The following ZNF536 variants were observed in gnomAD, a reference collection of about 807,000 sequenced individuals.
ZNF536 encodes the protein zinc finger protein 536.
Under a neutral mutation model 84.5 loss-of-function variants are expected in ZNF536, and 13 were observed. That is an observed-to-expected ratio of 0.15 (90% CI 0.10 to 0.24). The LOEUF (loss-of-function observed/expected upper bound fraction) is 0.24, where lower values mean the gene tolerates loss of function less well. Ranked by LOEUF, ZNF536 falls within the 10% of genes least tolerant of loss-of-function variation. ZNF536 has a pLI of 1.00. For missense variants in ZNF536, 1,536 were observed against 1,747.5 expected, an observed-to-expected ratio of 0.88 and a Z score of 2.16; for synonymous variants, 811 against 742.5, an observed-to-expected ratio of 1.09 and a Z score of -1.50.
At chr19:30,626,461 T>C (rs1172329673) in intron 1 of ZNF536, among the ~76,000 whole-genome samples, 1 of 152,162 alleles carries the variant, frequency 6.6e-6, no homozygotes, top group East Asian at 1.9e-4. Context: ...ATACAAGCTG[T>C]TCGTTTGTGA....
chr19:30,439,877 G>T (rs1310022768), intron 1 of ZNF536, among the ~76,000 whole-genome samples: 3 of 152,014 alleles, frequency 2.0e-5, no homozygotes, highest in Non-Finnish European at 4.4e-5. Context: ...GATAACCATG[G>T]ACACCTAGAC....
intron 2 of ZNF536, among the ~76,000 whole-genome samples, chr19:30,453,371 G>C (rs2052697883): frequency 6.6e-6 from 1 of 152,180 alleles, no homozygotes; most frequent in Non-Finnish European, 1.5e-5. Context: ...CTCGAGCCAG[G>C]TCTGGTTTAG....
At chr19:30,617,583 C>T (rs1431374363) in intron 1 of ZNF536, among the ~76,000 whole-genome samples, 1 of 151,682 alleles carries the variant, frequency 6.6e-6, no homozygotes, top group Admixed American at 6.6e-5. Context: ...ATCTCCTGAC[C>T]TCGTGATCTG....
At chr19:30,417,572 A>C (rs1395150426) in intron 1 of ZNF536, among the ~76,000 whole-genome samples, 1 of 152,192 alleles carries the variant, frequency 6.6e-6, no homozygotes, top group Non-Finnish European at 1.5e-5. Flanking sequence ...TTAGAAAAAA[A>C]AGGATAAAGT....
rs1279243891 is a variant in ZNF536, at chr19:30,382,494, AC to A, written c.-3+9939del. Among the ~76,000 whole-genome samples the A allele has an allele frequency of 3.3e-5, 5 of 152,190 alleles. No homozygotes were observed. The East Asian group carries it at 9.6e-4, about 29-fold the overall frequency. Reference sequence around the variant, plus strand: ...AAAGCACTGTAAAGAAAATATCTGCACTTCTTTATTTAGGGATACAGTTAAT... The same window carrying A: ...AAAGCACTGTAAAGAAAATATCTGCATTCTTTATTTAGGGATACAGTTAAT... On this transcript the variant is annotated intron_variant, in intron 1 of 4. Coordinates refer to ENST00000355537, the MANE Select transcript of ZNF536 (RefSeq NM_014717.3).
At chr19:30,241,481 G>A (rs1450942707) in intron 1 of ZNF536, among the ~76,000 whole-genome samples, 3 of 152,220 alleles carry the variant, frequency 2.0e-5, no homozygotes, top group African/African-American at 7.2e-5. Flanking sequence ...TGAGAAGCTG[G>A]CATCTGCGCC....
At chr19:30,542,732 C>G (rs1245094607) in intron 3 of ZNF536, among the ~76,000 whole-genome samples, 2 of 152,142 alleles carry the variant, frequency 1.3e-5, no homozygotes, top group East Asian at 3.8e-4. Context: ...GCACTGTGAC[C>G]CTTCAGTGTT....
chr19:30,660,852 GATAA>G (rs2050097397), intron 1 of ZNF536, among the ~76,000 whole-genome samples: 1 of 152,190 alleles, frequency 6.6e-6, no homozygotes, highest in Non-Finnish European at 1.5e-5. Flanking sequence ...TCATTTTATA[GATAA>G]ATATATTTAT....
At chr19:30,699,186 T>C (rs950704324) in intron 1 of ZNF536, among the ~76,000 whole-genome samples, 4 of 152,174 alleles carry the variant, frequency 2.6e-5, no homozygotes, top group African/African-American at 7.2e-5. Context: ...ATCCCAGTCC[T>C]AGAATCAGCC....
At chr19:30,627,365 G>A (rs1300376166) in intron 1 of ZNF536, among the ~76,000 whole-genome samples, 2 of 149,714 alleles carry the variant, frequency 1.3e-5, no homozygotes, top group East Asian at 4.0e-4. Context: ...CAGCTAATCG[G>A]GAAGCTGAGG....
chr19:30,642,821 C>A (rs972641079), intron 1 of ZNF536, among the ~76,000 whole-genome samples: 1 of 152,068 alleles, frequency 6.6e-6, no homozygotes, highest in Admixed American at 6.5e-5. Context: ...GATCAAATAT[C>A]GGTAGACTTG....
At chr19:30,407,419 C>A (rs552478245) in intron 1 of ZNF536, among the ~76,000 whole-genome samples, 1 of 152,210 alleles carries the variant, frequency 6.6e-6, no homozygotes, top group African/African-American at 2.4e-5. Context: ...GGGCTCCCCA[C>A]ACACCCAGCA....
intron 2 of ZNF536, among the ~76,000 whole-genome samples, chr19:30,505,259 T>C (rs925001293): frequency 6.8e-6 from 1 of 147,654 alleles, no homozygotes; most frequent in Non-Finnish European, 1.5e-5. Context: ...TAATATATAA[T>C]ACATTACATA....
intron 1 of ZNF536, among the ~76,000 whole-genome samples, chr19:30,414,691 C>T (rs2050638082): frequency 6.6e-6 from 1 of 152,120 alleles, no homozygotes; most frequent in African/African-American, 2.4e-5. Context: ...GATTTTAATT[C>T]CAGACATTGT....
chr19:30,344,440 CAAAAAAAA>C (rs10628847), intron 2 of ZNF536, among the ~76,000 whole-genome samples: 1 of 69,182 alleles, frequency 1.4e-5, no homozygotes, highest in African/African-American at 5.7e-5. Flanking sequence ...AACTCCATCT[CAAAAAAAA>C]AAAAAAAAAA....
At chr19:30,623,036 T>G (rs2147158291) in intron 1 of ZNF536, among the ~76,000 whole-genome samples, 1 of 142,710 alleles carries the variant, frequency 7.0e-6, no homozygotes, top group South Asian at 2.2e-4. Flanking sequence ...TTTTTTGTTT[T>G]TTTGTTTTTT....
chr19:30,548,755 C>A lies in ZNF536; in HGVS notation c.3136C>A (p.Arg1046=). The A allele has an allele frequency of 6.2e-7, 1 of 1,613,870 alleles. No individual in the cohort carries two copies. Among genetic ancestry groups the A allele is most frequent in the Admixed American group, 1.7e-5 (1 of 60,020 alleles). Residue 1046 remains arginine, a synonymous_variant, in exon 4 of 5, where the codon CGG becomes AGG. Transcript: ENST00000355537. ...CACAGTCAACTGCAAAGACCAAGCC[C>A]GGGAGGCGAGTAAGATGGCCCTGCT... is the stretch of plus-strand genomic sequence containing the variant. ...GVTVNCKDQA[R]EASKMALLPS...
intron 1 of ZNF536, among the ~76,000 whole-genome samples, chr19:30,398,471 T>G (rs1406062064): frequency 6.6e-6 from 1 of 151,906 alleles, no homozygotes; most frequent in Non-Finnish European, 1.5e-5. Context: ...ACACACGCCA[T>G]GGTGGTTTGC....
intron 1 of ZNF536, among the ~76,000 whole-genome samples, chr19:30,441,046 T>A (rs2148110416): frequency 6.6e-6 from 1 of 152,342 alleles, no homozygotes; most frequent in African/African-American, 2.4e-5. Context: ...GGTGGTGGTG[T>A]TGGGGGACAT....
Sources: allele counts gnomAD v4.1 joint callset (sites outside exome capture counted in the v4.1 genomes callset), GRCh38; gene constraint gnomAD v4.1.1; transcripts MANE v1.5; gene names NCBI Gene and HGNC (gene_info 2026-07-23, HGNC 2026-07-21).